SBF2: variants seen among roughly 807,000 people sequenced by gnomAD.
SBF2 encodes the protein myotubularin-related protein 13.
In SBF2, 112 loss-of-function variants were observed where a neutral mutation model predicts 225.2. That is an observed-to-expected ratio of 0.50 (90% CI 0.43 to 0.58). The LOEUF (loss-of-function observed/expected upper bound fraction) is 0.58. Among genes scored for constraint, SBF2 ranks in the 20% least tolerant of loss-of-function variants. The probability of loss-of-function intolerance (pLI) is 0.00; values close to 1 mark genes in which losing one functional copy is unlikely to be tolerated. For synonymous variants in SBF2, 763 were observed against 773.3 expected, an observed-to-expected ratio of 0.99 and a Z score of 0.22; for missense variants, 1,996 against 2,206.2, an observed-to-expected ratio of 0.90 and a Z score of 1.91.
In SBF2 at chr11:9,816,839, C is replaced by A; in HGVS notation, c.3978+1G>T. On this transcript the variant is annotated splice_donor_variant, in intron 29 of 39. Coordinates refer to ENST00000256190, the MANE Select transcript of SBF2 (RefSeq NM_030962.4). LOFTEE classifies it high-confidence loss of function. Reference sequence around the variant, plus strand: ...TCTAAGTGAGAAAAAAGAAATCTTACCCTTAGTTGCGACTTTTCACCAAAT... The same window carrying A: ...TCTAAGTGAGAAAAAAGAAATCTTAACCTTAGTTGCGACTTTTCACCAAAT... 3 of 1,613,882 alleles carry A rather than the reference C, an allele frequency of 1.9e-6. No individual in the cohort carries two copies. The highest frequency in any genetic ancestry group is 1.1e-5 in the South Asian group (1 of 91,062).
chr11:10,237,793 C>T (rs1166594091), intron 1 of SBF2, among the ~76,000 whole-genome samples: 1 of 152,178 alleles, frequency 6.6e-6, no homozygotes, highest in Non-Finnish European at 1.5e-5. Flanking sequence ...CTCCACATTC[C>T]TAAACCACCA....
chr11:10,024,988 T>C (rs796399157), intron 6 of SBF2, among the ~76,000 whole-genome samples: 6 of 152,302 alleles, frequency 3.9e-5, no homozygotes, highest in African/African-American at 1.4e-4. Flanking sequence ...CCTTCACTAT[T>C]TCAAATATAG....
At chr11:9,949,978 C>T (rs1865767283) in intron 16 of SBF2, among the ~76,000 whole-genome samples, 1 of 151,924 alleles carries the variant, frequency 6.6e-6, no homozygotes, top group Non-Finnish European at 1.5e-5. Flanking sequence ...GATAAATATA[C>T]AACTTTATCT....
At chr11:9,804,710 C>G (rs1211080015) in intron 32 of SBF2, among the ~76,000 whole-genome samples, 1 of 152,220 alleles carries the variant, frequency 6.6e-6, no homozygotes, top group African/African-American at 2.4e-5. Context: ...GTAGTCTTTT[C>G]TGCCTGGCTT....
At chr11:10,299,048 A>G (rs980706662), upstream of SBF2, among the ~76,000 whole-genome samples, 3 of 152,120 alleles carry the variant, frequency 2.0e-5, no homozygotes, top group East Asian at 3.9e-4. Context: ...ATGACGTAGA[A>G]AGTGTCCTGG....
chr11:9,970,609 A>G (rs1015011758), intron 13 of SBF2, among the ~76,000 whole-genome samples: 1 of 152,216 alleles, frequency 6.6e-6, no homozygotes, highest in African/African-American at 2.4e-5. Flanking sequence ...CCTCAGCAAT[A>G]TAATAGAAAC....
chr11:9,853,407 C>T, intron 20 of SBF2, 133 bp downstream of exon 20: 5 of 800,612 alleles, frequency 6.2e-6, no homozygotes, highest in Non-Finnish European at 1.0e-5. Context: ...AATTTAAAAA[C>T]ATTTTAAAAA....
At chr11:9,853,267 G>A (rs1857087703) in intron 20 of SBF2, among the ~76,000 whole-genome samples, 1 of 152,180 alleles carries the variant, frequency 6.6e-6, no homozygotes, top group Non-Finnish European at 1.5e-5. Flanking sequence ...TGCTTAATGG[G>A]TAGAGTGTTT....
chr11:10,101,659 C>CTGTGTGTGTGTGTGTGTGTG (rs144213559), intron 2 of SBF2, among the ~76,000 whole-genome samples: 2 of 148,050 alleles, frequency 1.4e-5, no homozygotes, highest in African/African-American at 2.5e-5. Context: ...CTCTCTCGCT[C>CTGTGTGTGTGTGTGTGTGTG]TGTGTGTGTG....
At chr11:9,942,022 C>T (rs1244681689) in intron 16 of SBF2, among the ~76,000 whole-genome samples, 7 of 152,096 alleles carry the variant, frequency 4.6e-5, no homozygotes, top group East Asian at 1.9e-4. Flanking sequence ...CAAAACAGGG[C>T]ACCTAACAAT....
chr11:10,062,830 G>A (rs575207093), intron 2 of SBF2, among the ~76,000 whole-genome samples: 7 of 152,044 alleles, frequency 4.6e-5, no homozygotes, highest in African/African-American at 1.2e-4. Context: ...CAGCAATCTC[G>A]TTACTGAGTA....
chr11:9,910,239 G>A (rs1862486797), intron 16 of SBF2, among the ~76,000 whole-genome samples: 1 of 152,150 alleles, frequency 6.6e-6, no homozygotes, highest in Non-Finnish European at 1.5e-5. Context: ...TTATTGCCTA[G>A]TGACATTTTA....
At chr11:9,897,028 T>G (rs10840319) in intron 16 of SBF2, among the ~76,000 whole-genome samples, 99,892 of 151,952 alleles carry the variant, frequency 0.66, 33,148 homozygotes, top group African/African-American at 0.74. Context: ...ATACCCAAAA[T>G]AATGGAAAAC....
intron 2 of SBF2, among the ~76,000 whole-genome samples, chr11:10,123,461 T>C (rs1187649468): frequency 2.0e-5 from 3 of 152,084 alleles, no homozygotes; most frequent in Non-Finnish European, 4.4e-5. Context: ...ATCCCGACAA[T>C]AAAAAATCTA....
In SBF2 at chr11:9,789,189, G is replaced by A. The variant is rs200696363; in HGVS notation, c.4852C>T (p.Arg1618Trp). 20 of 1,614,098 alleles carry A rather than the reference G, an allele frequency of 1.2e-5. No individual in the cohort carries two copies. The highest frequency in any genetic ancestry group is 9.3e-5 in the African/African-American group (7 of 75,042). ...GGCCACACTGTTCTCCTCTGGCTCC[G>A]TGGCCCAGCTTCTCCAGCCAGGTCA... ...DSDLAGEAGP[R>W]SQRRTVWPCY... The change falls in exon 35 of 40, where the codon CGG becomes TGG. Residue 1618 changes from arginine (R) to tryptophan (W), a missense_variant. By Grantham distance (101) the Arg-to-Trp change is moderately radical. Coordinates refer to ENST00000256190, the MANE Select transcript of SBF2 (RefSeq NM_030962.4).
intron 1 of SBF2, among the ~76,000 whole-genome samples, chr11:10,236,613 C>CT (rs36114863): frequency 0.4 from 60,785 of 151,894 alleles, 13,209 homozygotes; most frequent in Non-Finnish European, 0.49. Context: ...GTGTGCACCA[C>CT]TATACCCAGC....
At chr11:9,822,741 T>C (rs182858768) in intron 28 of SBF2, among the ~76,000 whole-genome samples, 98 of 152,314 alleles carry the variant, frequency 6.4e-4, no homozygotes, top group African/African-American at 2.3e-3. Flanking sequence ...TACTCTGTTC[T>C]GACGAAAGGG....
chr11:10,255,599 T>C (rs571935521), intron 1 of SBF2, among the ~76,000 whole-genome samples: 2 of 152,344 alleles, frequency 1.3e-5, no homozygotes, highest in East Asian at 3.9e-4. Context: ...GCTTTCCTAG[T>C]GCAGCTGCAT....
At chr11:10,050,941 A>G (rs1236407177) in intron 2 of SBF2, among the ~76,000 whole-genome samples, 3 of 152,172 alleles carry the variant, frequency 2.0e-5, no homozygotes, top group Non-Finnish European at 4.4e-5. Context: ...AAGCAAAACC[A>G]TGGGTAAGGG....
Sources: gnomAD v4.1 joint callset for allele counts (sites outside exome capture counted in the v4.1 genomes callset) on GRCh38, gnomAD v4.1.1 for gene constraint, MANE v1.5 for transcripts, NCBI Gene and HGNC (gene_info 2026-07-23, HGNC 2026-07-21) for gene names.